The following SLC12A4 variants were observed in gnomAD, a reference collection of about 807,000 sequenced individuals.
SLC12A4 encodes the protein solute carrier family 12 member 4, also known as electroneutral potassium-chloride cotransporter 1.
A neutral mutation model predicts 119.2 loss-of-function variants in SLC12A4; 84 were observed. The ratio of observed to expected loss-of-function variants is 0.70; its 90% confidence interval spans 0.59 to 0.85. The LOEUF is 0.85. Ranked by LOEUF, SLC12A4 falls within the 40% of genes least tolerant of loss-of-function variation. The pLI is 0.00. For synonymous variants in SLC12A4, 599 were observed against 604.6 expected (o/e 0.99, Z 0.14); for missense variants, 1,298 against 1,476.3 (o/e 0.88, Z 1.98).
Position 67,950,002 on chromosome 16 carries a change from C to T in SLC12A4, c.1630-84G>A. The T allele has an allele frequency of 9.0e-7, 1 of 1,115,302 alleles. No individual in the cohort carries two copies. Among genetic ancestry groups the T allele is most frequent in the South Asian group, 1.3e-5 (1 of 77,276 alleles). The allele number at this position is 1,115,302 out of a possible 1,614,324, so 69.1% of individuals were successfully genotyped here. A position where few individuals can be genotyped will look rare whatever the true frequency, so the allele number is the denominator to read the frequency against. On this transcript the variant is annotated intron_variant, in intron 12 of 23. Coordinates refer to ENST00000316341, the MANE Select transcript of SLC12A4 (RefSeq NM_005072.5). The surrounding 1 kb of genome is among the most constrained non-coding windows in gnomAD (Gnocchi z 4.3). The stretch of plus-strand genomic sequence containing the variant: ...AGACCCCAGCCTGGCCTCCCTCACC[C>T]CCAGGGCCCGCCTTGGGGGCTCAGG...
intron 13 of SLC12A4, among the ~76,000 whole-genome samples, chr16:67,948,588 G>C (rs1004638989): frequency 6.6e-6 from 1 of 152,242 alleles, no homozygotes; most frequent in African/African-American, 2.4e-5. Flanking sequence ...ATACTTAAGA[G>C]TCACTGCGGT....
rs1209901851 is a variant in SLC12A4, at chr16:67,952,338, C to T, written c.763G>A (p.Gly255Arg). The T allele has an allele frequency of 1.9e-6, 3 of 1,614,172 alleles. No homozygotes were observed. The highest frequency in any genetic ancestry group is 1.7e-6 in the Non-Finnish European group (2 of 1,180,028). Residue 255 changes from glycine (G) to arginine (R), a missense_variant, in exon 7 of 24, where the codon GGG becomes AGG. Transcript: ENST00000316341. The part of the protein sequence containing the change: ...NATLNNMRVY[G>R]TIFLTFMTLV... The stretch of plus-strand genomic sequence containing the variant: ...GTCATGAAGGTCAGGAAAATGGTCC[C>T]ATACACACGCATATTGTTCAAAGTG...
chr16:67,944,155 G>T lies in SLC12A4; in HGVS notation c.*685C>A, dbSNP rs1275415990. The T allele has an allele frequency of 6.5e-6, 10 of 1,527,332 alleles. No individual in the cohort carries two copies. The highest frequency in any genetic ancestry group is 2.0e-5 in the Admixed American group (1 of 50,220). The allele number at this position is 1,527,332 out of a possible 1,614,324, so 94.6% of individuals were successfully genotyped here. ...AGCGGCACTGGGCTGTCCTTATCTG[G>T]TGTGGGAGTGGGAGGGGCCCTAGGG... On this transcript the variant is annotated 3_prime_UTR_variant, in exon 24 of 24. Transcript: ENST00000316341. The surrounding 1 kb of genome is among the most constrained non-coding windows in gnomAD (Gnocchi z 6.6).
Position 67,951,475 on chromosome 16 carries a change from GC to G in SLC12A4, c.1133-172del. ...CTACCCTGACCACAGAGAAGGAGCT[GC>G]CCAGCTAGAAGTCGACAGACAAAGG... is the stretch of plus-strand genomic sequence containing the variant. On this transcript the variant is annotated intron_variant, in intron 8 of 23. Transcript: ENST00000316341. This position sits in a 1 kb window ranked among gnomAD's most constrained non-coding sequence, Gnocchi z 5.2. 2 of 739,856 alleles carry G rather than the reference GC, an allele frequency of 2.7e-6. No homozygotes were observed. Among genetic ancestry groups the G allele is most frequent in the Non-Finnish European group, 4.3e-6 (2 of 464,916 alleles). The allele number at this position is 739,856 out of a possible 1,614,324, so 45.8% of individuals were successfully genotyped here.
In SLC12A4 at chr16:67,950,118, A is replaced by G; in HGVS notation, c.1630-200T>C. On this transcript the variant is annotated intron_variant, in intron 12 of 23. Transcript: ENST00000316341. The surrounding 1 kb of genome is among the most constrained non-coding windows in gnomAD (Gnocchi z 4.3). Reference sequence around the variant, plus strand: ...CCTTTGGATGAGCCCTAAACAGGCCATGAAGATTCTGGGTCCAGGCAGCTC... The same window carrying G: ...CCTTTGGATGAGCCCTAAACAGGCCGTGAAGATTCTGGGTCCAGGCAGCTC... The G allele has an allele frequency of 1.4e-6, 1 of 691,698 alleles. No individual in the cohort carries two copies. Among genetic ancestry groups the G allele is most frequent in the Non-Finnish European group, 2.4e-6 (1 of 416,516 alleles). The allele number at this position is 691,698 out of a possible 1,614,324, so 42.8% of individuals were successfully genotyped here.
intron 3 of SLC12A4, among the ~76,000 whole-genome samples, chr16:67,961,213 T>G (rs538591317): frequency 1.1e-4 from 17 of 152,296 alleles, no homozygotes; most frequent in Middle Eastern, 6.8e-3. Flanking sequence ...CTGACACTAT[T>G]TCCTTGTCTG....
At position 67,945,171 on chromosome 16, in the gene SLC12A4, C is replaced by T; in HGVS notation, c.3082G>A (p.Val1028Ile). 6.3e-7 allele frequency: 1 copy of T among 1,590,122 alleles called. No individual in the cohort carries two copies. Among genetic ancestry groups the T allele is most frequent in the Non-Finnish European group, 8.6e-7 (1 of 1,167,090 alleles). Reference sequence around the variant, plus strand: ...GCGTCGTGGGAGCGCGTGACAATGACTTCATTGAGCTTCACAGCAGTGTGC... The same window carrying T: ...GCGTCGTGGGAGCGCGTGACAATGATTTCATTGAGCTTCACAGCAGTGTGC... ...RMHTAVKLNEVIVTRSHDARL... is the reference protein window; with the variant it reads ...RMHTAVKLNEIIVTRSHDARL... The change falls in exon 23 of 24, where the codon GTC (valine) becomes ATC (isoleucine). Residue 1028 changes from valine (V) to isoleucine (I), a missense_variant. By Grantham distance (29) the Val-to-Ile change is conservative (BLOSUM62 3). Transcript: ENST00000316341.
chr16:67,950,970 G>C lies in SLC12A4; in HGVS notation c.1388C>G (p.Ser463Cys). The C allele has an allele frequency of 6.2e-7, 1 of 1,613,746 alleles. No individual in the cohort carries two copies. Among genetic ancestry groups the C allele is most frequent in the Non-Finnish European group, 8.5e-7 (1 of 1,179,928 alleles). Residue 463 changes from serine (S) to cysteine (C), a missense_variant, in exon 10 of 24, where the codon TCC (serine) becomes TGC (cysteine). By Grantham distance (112) the Ser-to-Cys change is moderately radical (BLOSUM62 -1). Transcript: ENST00000316341. This position sits in a 1 kb window ranked among gnomAD's most constrained non-coding sequence, Gnocchi z 4.3. ...VGTILAIITT[S>C]LVYFSSVVLF... ...GGCCTGGGAAAGGATACACACGAGGGAAGTTGTAATGATGGCCAGAATGGT... is the reference window on the plus strand; with the variant it reads ...GGCCTGGGAAAGGATACACACGAGGCAAGTTGTAATGATGGCCAGAATGGT...
Position 67,944,897 on chromosome 16 carries a change from A to G in SLC12A4, c.3201T>C (p.Leu1067=). The change falls in exon 24 of 24, where the codon CTT becomes CTC. Residue 1067 remains leucine, a synonymous_variant. Coordinates refer to ENST00000316341, the MANE Select transcript of SLC12A4 (RefSeq NM_005072.5). This position sits in a 1 kb window ranked among gnomAD's most constrained non-coding sequence, Gnocchi z 6.6. ...CACCGCGCACCAACAGCACCCGCTC[A>G]AGGCCCTCGGTCAGCACCTCGAGGA... ...MEFLEVLTEG[L]ERVLLVRGGG... The G allele has an allele frequency of 2.5e-6, 4 of 1,613,526 alleles. No homozygotes were observed. Among genetic ancestry groups the G allele is most frequent in the Non-Finnish European group, 3.4e-6 (4 of 1,180,022 alleles).
Position 67,950,777 on chromosome 16 carries a change from C to T in SLC12A4, c.1397-66G>A. On this transcript the variant is annotated intron_variant, in intron 10 of 23. Transcript: ENST00000316341. This position sits in a 1 kb window ranked among gnomAD's most constrained non-coding sequence, Gnocchi z 4.3. ...CTGTCCCTGAATAGTACCACGTGCC[C>T]CCACCCCAGCCAGACTACCAGGACA... 6.4e-7 allele frequency: 1 copy of T among 1,555,636 alleles called. No individual in the cohort carries two copies. The highest frequency in any genetic ancestry group is 8.7e-7 in the Non-Finnish European group (1 of 1,146,002).
chr16:67,966,874 G>T, intron 1 of SLC12A4: 1 of 1,522,386 alleles, frequency 6.6e-7, no homozygotes, highest in Non-Finnish European at 8.8e-7. Context: ...GATCTAGCAG[G>T]ACTCAGCCAA....
chr16:67,960,479 T>C (rs1211389213), intron 3 of SLC12A4, among the ~76,000 whole-genome samples: 1 of 151,816 alleles, frequency 6.6e-6, no homozygotes, highest in Non-Finnish European at 1.5e-5. Context: ...AGAGACGCGC[T>C]TCAGTGGGGT....
chr16:67,955,856 C>T (rs960152040), intron 5 of SLC12A4, among the ~76,000 whole-genome samples: 2 of 144,128 alleles, frequency 1.4e-5, no homozygotes, highest in South Asian at 2.2e-4. Context: ...TCTAGCCTGG[C>T]GACAGAGTGA....
intron 15 of SLC12A4, 55 bp downstream of exon 15, chr16:67,947,614 C>T: frequency 6.4e-7 from 1 of 1,561,558 alleles, no homozygotes. Context: ...GACCACCCTG[C>T]CTGCTCGGCC....
In SLC12A4 at chr16:67,947,731, C is replaced by T. The variant is rs866069420; in HGVS notation, c.1905G>A (p.Trp635Ter). 2.5e-6 allele frequency: 4 copies of T among 1,600,760 alleles called. No individual in the cohort carries two copies. In the African/African-American group the frequency reaches 4.0e-5, roughly 16 times the overall value. The change falls in exon 15 of 24, where the codon TGG (tryptophan) becomes TGA (stop). Residue 635 changes from tryptophan (W) to a stop codon, truncating the protein, a stop_gained. Coordinates refer to ENST00000316341, the MANE Select transcript of SLC12A4 (RefSeq NM_005072.5). LOFTEE classifies it high-confidence loss of function. ...LCLALMFVSS[W>*]YYALVAMLIA... ...TGAGCATGGCCACCAGGGCATAGTA[C>T]CAGGAGGAGACAAACATAAGGGCCA...
At chr16:67,968,307 T>G (rs1163481083) in intron 1 of SLC12A4, 132 bp downstream of exon 1, 1 of 762,458 alleles carries the variant, frequency 1.3e-6, no homozygotes, top group East Asian at 3.4e-5. Context: ...AGCGGCGCGG[T>G]CCAAAAAAAG....
At chr16:67,948,241 C>T (rs542711555) in intron 13 of SLC12A4, 82 bp from the exon 14 acceptor site, 78 of 1,363,756 alleles carry the variant, frequency 5.7e-5, no homozygotes, top group Admixed American at 1.2e-4. Flanking sequence ...GGCCCAGAAA[C>T]GGGGCGTGGC....
chr16:67,951,129 G>T lies in SLC12A4; in HGVS notation c.1297+11C>A. The T allele has an allele frequency of 1.2e-6, 2 of 1,613,792 alleles. No individual in the cohort carries two copies. Among genetic ancestry groups the T allele is most frequent in the Non-Finnish European group, 1.7e-6 (2 of 1,179,766 alleles). On this transcript the variant is annotated intron_variant, in intron 9 of 23. Transcript: ENST00000316341. This position sits in a 1 kb window ranked among gnomAD's most constrained non-coding sequence, Gnocchi z 5.2. ...GGGACAGGGCTGGGTGGGTAGGCAG[G>T]CAGGGCTCACCTGTTACAGAAGGGA...
Position 67,950,660 on chromosome 16 carries a change from C to G in SLC12A4, c.1448G>C (p.Arg483Pro). Residue 483 changes from arginine to proline, a missense_variant, in exon 11 of 24, where the codon CGG (arginine) becomes CCG (proline). Coordinates refer to ENST00000316341, the MANE Select transcript of SLC12A4 (RefSeq NM_005072.5). This position sits in a 1 kb window ranked among gnomAD's most constrained non-coding sequence, Gnocchi z 4.3. Reference protein sequence around the residue: ...FGACIEGVVLRDKYGDGVSRN... With the variant: ...FGACIEGVVLPDKYGDGVSRN... ...GGGGGCCCAGCTCACTCACTTGTCCCGGAGAACCACACCCTCAATGCAGGC... is the reference window on the plus strand; with the variant it reads ...GGGGGCCCAGCTCACTCACTTGTCCGGGAGAACCACACCCTCAATGCAGGC... The G allele has an allele frequency of 6.2e-7, 1 of 1,612,284 alleles. No individual in the cohort carries two copies. The highest frequency in any genetic ancestry group is 1.7e-5 in the Admixed American group (1 of 59,816).
Sources: gnomAD v4.1 joint callset for allele counts (sites outside exome capture counted in the v4.1 genomes callset) on GRCh38, gnomAD v4.1.1 for gene constraint, Gnocchi (gnomAD v3.1) non-coding constraint, MANE v1.5 for transcripts, NCBI Gene and HGNC (gene_info 2026-07-23, HGNC 2026-07-21) for gene names.